Variants in SLC45A2 observed in about 807,000 individuals in gnomAD.
The protein encoded by SLC45A2 is membrane-associated transporter protein.
SLC45A2 carries 36 observed loss-of-function variants against 45.5 expected under a neutral mutation model. That is an observed-to-expected ratio of 0.79 (90% CI 0.61 to 1.04). The LOEUF (loss-of-function observed/expected upper bound fraction) is 1.04. Among genes scored for constraint, SLC45A2 ranks in the 50% least tolerant of loss-of-function variants. The pLI, the probability that SLC45A2 is intolerant of heterozygous loss-of-function variation, is 0.00. For missense variants in SLC45A2, 719 were observed against 671.0 expected (o/e 1.07, Z -0.79); for synonymous variants, 306 against 269.3 (o/e 1.14, Z -1.33).
chr5:33,948,570 C>CTG (rs536300624), intron 5 of SLC45A2, among the ~76,000 whole-genome samples: 189 of 152,334 alleles, frequency 1.2e-3, no homozygotes, highest in African/African-American at 4.1e-3. Flanking sequence ...AAACTAAACA[C>CTG]TCTCACACTG....
chr5:33,947,071 T>C, intron 6 of SLC45A2, 92 bp downstream of exon 6: 1 of 1,613,150 alleles, frequency 6.2e-7, no homozygotes, highest in Admixed American at 1.7e-5. Context: ...ACCCTTATTT[T>C]CCAGCTCTGC....
chr5:33,964,936 AG>A (rs1752561649), intron 2 of SLC45A2, among the ~76,000 whole-genome samples: 1 of 152,140 alleles, frequency 6.6e-6, no homozygotes, highest in African/African-American at 2.4e-5. Context: ...AAAGGTGGGG[AG>A]ATAGCATGGT....
intron 2 of SLC45A2, among the ~76,000 whole-genome samples, chr5:33,979,430 A>G (rs569701100): frequency 1.3e-5 from 2 of 152,326 alleles, no homozygotes; most frequent in South Asian, 4.1e-4. Flanking sequence ...GAGAGAATAG[A>G]CTGTAAACGT....
intron 5 of SLC45A2, among the ~76,000 whole-genome samples, chr5:33,947,988 T>C (rs978078162): frequency 1.3e-5 from 2 of 152,216 alleles, no homozygotes; most frequent in African/African-American, 2.4e-5. Flanking sequence ...GCACCCAGCA[T>C]CTCCTCATCG....
chr5:33,944,907 C>G, intron 6 of SLC45A2, 35 bp from the exon 7 acceptor site: 1 of 1,583,824 alleles, frequency 6.3e-7, no homozygotes. Flanking sequence ...ATTTGACCTA[C>G]AAGGAACTGT....
In SLC45A2 at chr5:33,963,785, A is replaced by G. The variant is rs1225244453; in HGVS notation, c.794T>C (p.Met265Thr). The change falls in exon 3 of 7, where the codon ATG becomes ACG. Residue 265 changes from methionine to threonine, a missense_variant. Transcript: ENST00000296589. ...PQDPPLSSDG[M>T]YEYGSIEKVK... is the part of the protein sequence containing the mutation. ...TTTCTCGATAGAACCATACTCGTAC[A>G]TTCCATCTGATGACAATGGAGGGTC... The G allele has an allele frequency of 1.2e-6, 2 of 1,614,050 alleles. No homozygotes were observed. The highest frequency in any genetic ancestry group is 1.7e-6 in the Non-Finnish European group (2 of 1,180,036).
intron 2 of SLC45A2, among the ~76,000 whole-genome samples, chr5:33,976,890 T>C (rs1294639316): frequency 4.6e-5 from 7 of 152,206 alleles, no homozygotes; most frequent in Non-Finnish European, 7.3e-5. Flanking sequence ...CTTCAGGAGC[T>C]GGACTCAGCG....
At chr5:33,981,594 C>T (rs1753074059) in intron 2 of SLC45A2, among the ~76,000 whole-genome samples, 2 of 152,114 alleles carry the variant, frequency 1.3e-5, no homozygotes, top group Non-Finnish European at 2.9e-5. Flanking sequence ...AACAATTGAC[C>T]AACAGTAACC....
chr5:33,952,412 T>C (rs1212642501), intron 4 of SLC45A2, among the ~76,000 whole-genome samples: 1 of 151,704 alleles, frequency 6.6e-6, no homozygotes, highest in Non-Finnish European at 1.5e-5. Flanking sequence ...TGATTCAAGA[T>C]GTGAGAGGTA....
rs184827595 is a variant in SLC45A2 at position 33,974,269 on chromosome 5, C to T, written c.562+7967G>A. Reference sequence around the variant, plus strand: ...CCAGGGATGGAGGAGGATAGAGTTGCCTTTAAATATGAAAGATAGAAGCTA... The same window carrying T: ...CCAGGGATGGAGGAGGATAGAGTTGTCTTTAAATATGAAAGATAGAAGCTA... On this transcript the variant is annotated intron_variant, in intron 2 of 6. Transcript: ENST00000296589. 7.2e-5 allele frequency among the ~76,000 whole-genome samples: 11 copies of T among 152,188 alleles called. No individual in the cohort carries two copies. In the East Asian group the frequency reaches 1.9e-3, roughly 27 times the overall value.
chr5:33,953,055 G>A (rs1212455003), intron 4 of SLC45A2, among the ~76,000 whole-genome samples: 4 of 113,754 alleles, frequency 3.5e-5, no homozygotes, highest in Non-Finnish European at 5.4e-5. Flanking sequence ...AGTATTCCAT[G>A]GTGTATATGT....
intron 2 of SLC45A2, among the ~76,000 whole-genome samples, chr5:33,977,316 C>T (rs1752958082): frequency 6.6e-6 from 1 of 152,150 alleles, no homozygotes; most frequent in Non-Finnish European, 1.5e-5. Context: ...ACCATAAAGG[C>T]CCCAGGAGGA....
At chr5:33,975,985 A>G (rs1396033720) in intron 2 of SLC45A2, among the ~76,000 whole-genome samples, 1 of 152,172 alleles carries the variant, frequency 6.6e-6, no homozygotes, top group African/African-American at 2.4e-5. Flanking sequence ...GAGGCAATAC[A>G]TCCTTAAAGC....
chr5:33,968,040 G>C (rs3797201), intron 2 of SLC45A2, among the ~76,000 whole-genome samples: 7,788 of 151,846 alleles, frequency 0.051, 505 homozygotes, highest in East Asian at 0.29. Context: ...CTGCAAGTTA[G>C]AATAGTACAA....
intron 3 of SLC45A2, among the ~76,000 whole-genome samples, chr5:33,962,254 T>A (rs1000897223): frequency 3.3e-5 from 5 of 152,266 alleles, no homozygotes; most frequent in Middle Eastern, 3.2e-3. Flanking sequence ...ACTGGACATT[T>A]GTCAGTTTTA....
At chr5:33,947,853 A>G (rs1285925781) in intron 5 of SLC45A2, among the ~76,000 whole-genome samples, 1 of 152,232 alleles carries the variant, frequency 6.6e-6, no homozygotes, top group East Asian at 1.9e-4. Context: ...TAAGTCATTC[A>G]TGATTTCTTA....
rs764681973 is a variant in SLC45A2 at position 33,954,519 on chromosome 5, G to C, written c.889-15C>G. ...GCCCTGCGAGTCTGAAATAAAACAT[G>C]AAACAGAGGTGTGATCTTCACTGCA... On this transcript the variant is annotated splice_polypyrimidine_tract_variant and intron_variant, in intron 3 of 6. Transcript: ENST00000296589. The C allele has an allele frequency of 3.7e-6, 6 of 1,613,226 alleles. No individual in the cohort carries two copies. In the South Asian group the frequency reaches 6.6e-5, roughly 18 times the overall value.
At chr5:33,967,924 CT>C (rs1295435354) in intron 2 of SLC45A2, among the ~76,000 whole-genome samples, 1 of 149,778 alleles carries the variant, frequency 6.7e-6, no homozygotes, top group Non-Finnish European at 1.5e-5. Flanking sequence ...TAATCTATAA[CT>C]TAGAGAATTA....
chr5:33,963,037 C>T lies in SLC45A2; in HGVS notation c.888+654G>A, dbSNP rs138942741. Among the ~76,000 whole-genome samples the T allele has an allele frequency of 1.1e-4, 17 of 152,338 alleles. No homozygotes were observed. In the East Asian group the frequency reaches 3.3e-3, roughly 29 times the overall value. On this transcript the variant is annotated intron_variant, in intron 3 of 6. Coordinates refer to ENST00000296589, the MANE Select transcript of SLC45A2 (RefSeq NM_016180.5). ...CTAGAAGCCCTATGGGGCCTTTGAGCATTTGAAATGTAGCTAATGCAACTG... is the reference window on the plus strand; with the variant it reads ...CTAGAAGCCCTATGGGGCCTTTGAGTATTTGAAATGTAGCTAATGCAACTG...
Sources: allele counts gnomAD v4.1 joint callset (sites outside exome capture counted in the v4.1 genomes callset), GRCh38; gene constraint gnomAD v4.1.1; transcripts MANE v1.5; gene names NCBI Gene and HGNC (gene_info 2026-07-23, HGNC 2026-07-21).